The following XRCC4 variants were observed in gnomAD, a reference collection of about 807,000 sequenced individuals.
XRCC4 encodes the protein DNA repair protein XRCC4.
Under a neutral mutation model 39.1 loss-of-function variants are expected in XRCC4, and 28 were observed. The observed-to-expected ratio is 0.72, with a 90% CI of 0.53 to 0.98. The LOEUF is 0.98. Among genes scored for constraint, XRCC4 ranks in the 50% least tolerant of loss-of-function variants. The pLI, the probability that XRCC4 is intolerant of heterozygous loss-of-function variation, is 0.00. For missense variants in XRCC4, 350 were observed against 376.4 expected (o/e 0.93, Z 0.58); for synonymous variants, 123 against 126.4 (o/e 0.97, Z 0.18).
chr5:83,192,927 C>G (rs1750779171), intron 3 of XRCC4, among the ~76,000 whole-genome samples: 1 of 152,106 alleles, frequency 6.6e-6, no homozygotes, highest in South Asian at 2.1e-4. Flanking sequence ...TGACAGTAAC[C>G]TTATATGTCA....
At chr5:83,213,997 A>AACATT (rs1751751140) in intron 6 of XRCC4, among the ~76,000 whole-genome samples, 1 of 152,208 alleles carries the variant, frequency 6.6e-6, no homozygotes, top group African/African-American at 2.4e-5. Flanking sequence ...GTACGTGACA[A>AACATT]AATCCAACAC....
intron 7 of XRCC4, among the ~76,000 whole-genome samples, chr5:83,297,350 T>A (rs1193933504): frequency 6.6e-6 from 1 of 152,004 alleles, no homozygotes; most frequent in African/African-American, 2.4e-5. Flanking sequence ...AAATTTAAAT[T>A]ACACATACTT....
intron 7 of XRCC4, among the ~76,000 whole-genome samples, chr5:83,323,739 A>ACTC (rs28360317): frequency 0.24 from 37,043 of 151,744 alleles, 7,490 homozygotes; most frequent in East Asian, 0.71. Context: ...TGTGTTTGGA[A>ACTC]CTAGAAATTT....
At chr5:83,114,014 A>T (rs1309573640) in intron 3 of XRCC4, among the ~76,000 whole-genome samples, 8 of 152,142 alleles carry the variant, frequency 5.3e-5, no homozygotes, top group Non-Finnish European at 1.2e-4. Context: ...TCAACACCAT[A>T]TGGAAGCTGC....
intron 3 of XRCC4, among the ~76,000 whole-genome samples, chr5:83,131,139 A>G (rs1389178910): frequency 1.3e-5 from 2 of 152,146 alleles, no homozygotes; most frequent in African/African-American, 2.4e-5. Context: ...ACATTACTTT[A>G]AATGTGTCCC....
the XRCC4 span, among the ~76,000 whole-genome samples, chr5:83,367,668 A>T: frequency 2.0e-5 from 3 of 152,146 alleles, no homozygotes; most frequent in South Asian, 2.1e-4. Context: ...AGTCCTTATC[A>T]AGCTCTCCAG....
chr5:83,206,683 TAAAAG>T (rs1176514514), intron 6 of XRCC4, among the ~76,000 whole-genome samples: 2 of 152,000 alleles, frequency 1.3e-5, no homozygotes, highest in African/African-American at 4.8e-5. Context: ...TGTTTTTAAA[TAAAAG>T]AAAGAATATG....
At chr5:83,282,929 CAT>C (rs1754598364) in intron 7 of XRCC4, among the ~76,000 whole-genome samples, 2 of 151,890 alleles carry the variant, frequency 1.3e-5, no homozygotes, top group Admixed American at 1.3e-4. Context: ...TATTTGGAAA[CAT>C]GTATGTTAAC....
intron 7 of XRCC4, among the ~76,000 whole-genome samples, chr5:83,314,317 A>C (rs1755808375): frequency 6.6e-6 from 1 of 152,178 alleles, no homozygotes; most frequent in East Asian, 1.9e-4. Flanking sequence ...CTAGTTAAAG[A>C]AAACCATTTG....
chr5:83,347,544 T>C (rs978710866), intron 7 of XRCC4, among the ~76,000 whole-genome samples: 7 of 152,064 alleles, frequency 4.6e-5, no homozygotes, highest in African/African-American at 1.4e-4. Flanking sequence ...TCACACACTA[T>C]CGTGAGAACA....
chr5:83,272,299 C>G (rs966547792), intron 7 of XRCC4, among the ~76,000 whole-genome samples: 4 of 151,962 alleles, frequency 2.6e-5, no homozygotes, highest in African/African-American at 7.3e-5. Context: ...TAAAGTCATA[C>G]CCCCCCAAAC....
chr5:83,312,781 G>C (rs1477370229), intron 7 of XRCC4, among the ~76,000 whole-genome samples: 2 of 152,134 alleles, frequency 1.3e-5, no homozygotes, highest in Non-Finnish European at 2.9e-5. Flanking sequence ...TAGTTGGTTG[G>C]TACAGGAGTC....
intron 6 of XRCC4, among the ~76,000 whole-genome samples, chr5:83,211,691 G>A (rs1384064382): frequency 6.6e-6 from 1 of 152,156 alleles, no homozygotes; most frequent in African/African-American, 2.4e-5. Flanking sequence ...ATCAATTACT[G>A]GCTGACGTCA....
At chr5:83,272,404 T>A (rs1037257262) in intron 7 of XRCC4, among the ~76,000 whole-genome samples, 1 of 152,060 alleles carries the variant, frequency 6.6e-6, no homozygotes, top group African/African-American at 2.4e-5. Flanking sequence ...GTTACACCTT[T>A]TTATTATTAT....
At chr5:83,143,155 A>T (rs1748265134) in intron 3 of XRCC4, among the ~76,000 whole-genome samples, 3 of 152,200 alleles carry the variant, frequency 2.0e-5, no homozygotes, top group Admixed American at 2.0e-4. Flanking sequence ...TATTATTTTA[A>T]GATTAAATGA....
chr5:83,086,622 T>C (rs76125292), intron 1 of XRCC4, among the ~76,000 whole-genome samples: 6,939 of 151,884 alleles, frequency 0.046, 489 homozygotes, highest in African/African-American at 0.15. Flanking sequence ...GTGGCAGAGG[T>C]AGAGGAGGTG....
At chr5:83,184,416 G>A (rs1750342796) in intron 3 of XRCC4, among the ~76,000 whole-genome samples, 1 of 151,868 alleles carries the variant, frequency 6.6e-6, no homozygotes, top group African/African-American at 2.4e-5. Flanking sequence ...TGACTTGCAT[G>A]GGGGAGGGGT....
intron 7 of XRCC4, among the ~76,000 whole-genome samples, chr5:83,320,011 GGAA>G (rs1405793924): frequency 6.6e-6 from 1 of 150,554 alleles, no homozygotes; most frequent in Non-Finnish European, 1.5e-5. Flanking sequence ...TATACACCAT[GGAA>G]TACTATGCAG....
At chr5:83,145,199 A>C (rs1041561917) in intron 3 of XRCC4, among the ~76,000 whole-genome samples, 6 of 152,258 alleles carry the variant, frequency 3.9e-5, no homozygotes, top group African/African-American at 1.4e-4. Flanking sequence ...TCGGCTCATA[A>C]ATTATTTTTA....
Sources: gnomAD v4.1 joint callset for allele counts (sites outside exome capture counted in the v4.1 genomes callset) on GRCh38, gnomAD v4.1.1 for gene constraint, MANE v1.5 for transcripts, NCBI Gene and HGNC (gene_info 2026-07-23, HGNC 2026-07-21) for gene names.